The following AGBL4 variants were observed in gnomAD, a reference collection of about 807,000 sequenced individuals.
AGBL4 encodes the protein AGBL carboxypeptidase 4.
In AGBL4, 58 loss-of-function variants were observed where a neutral mutation model predicts 66.4. The observed-to-expected ratio is 0.87, with a 90% CI of 0.71 to 1.09. The LOEUF (loss-of-function observed/expected upper bound fraction) is 1.09. Among genes scored for constraint, AGBL4 ranks in the 50% least tolerant of loss-of-function variants. AGBL4 has a pLI of 0.00. For missense variants in AGBL4, 579 were observed against 631.0 expected, an observed-to-expected ratio of 0.92 and a Z score of 0.88; for synonymous variants, 234 against 222.9, an observed-to-expected ratio of 1.05 and a Z score of -0.44.
At chr1:48,566,344 A>G (rs1435195720) in intron 11 of AGBL4, among the ~76,000 whole-genome samples, 5 of 152,350 alleles carry the variant, frequency 3.3e-5, no homozygotes, top group Non-Finnish European at 7.3e-5. Flanking sequence ...TAAAATTTCA[A>G]TATCAATAGA....
chr1:49,688,390 T>A (rs1176470903), intron 3 of AGBL4, among the ~76,000 whole-genome samples: 1 of 152,196 alleles, frequency 6.6e-6, no homozygotes, highest in Admixed American at 6.5e-5. Context: ...TCCATCCATG[T>A]TGTTGCCAAT....
intron 5 of AGBL4, among the ~76,000 whole-genome samples, chr1:49,023,440 T>C (rs1253515354): frequency 6.6e-6 from 1 of 152,164 alleles, no homozygotes; most frequent in Non-Finnish European, 1.5e-5. Flanking sequence ...AATTTCAATT[T>C]CTAAAATTGG....
intron 4 of AGBL4, among the ~76,000 whole-genome samples, chr1:49,120,688 G>A (rs1645634499): frequency 6.6e-6 from 1 of 152,048 alleles, no homozygotes; most frequent in African/African-American, 2.4e-5. Context: ...GTGTCTTGGG[G>A]TTGCTCTTCT....
intron 3 of AGBL4, among the ~76,000 whole-genome samples, chr1:49,433,549 T>C (rs1048312928): frequency 6.6e-6 from 1 of 152,192 alleles, no homozygotes; most frequent in Non-Finnish European, 1.5e-5. Context: ...CAAGTAGTTA[T>C]CATTTTAAGC....
chr1:49,968,773 G>C (rs1176559747), intron 1 of AGBL4, among the ~76,000 whole-genome samples: 1 of 152,126 alleles, frequency 6.6e-6, no homozygotes, highest in Admixed American at 6.5e-5. Context: ...GAAAGGGATG[G>C]CTAGAGCTCC....
At chr1:49,746,748 C>A (rs564417001) in intron 2 of AGBL4, among the ~76,000 whole-genome samples, 2 of 151,908 alleles carry the variant, frequency 1.3e-5, no homozygotes, top group Non-Finnish European at 2.9e-5. Context: ...CTTACTAGAT[C>A]CTTTGGACTA....
intron 1 of AGBL4, among the ~76,000 whole-genome samples, chr1:49,933,720 T>G (rs1014027870): frequency 6.6e-6 from 1 of 152,044 alleles, no homozygotes; most frequent in Non-Finnish European, 1.5e-5. Context: ...AACAAACTAT[T>G]GTAACTACAG....
At chr1:49,689,639 A>C (rs1399056290) in intron 3 of AGBL4, among the ~76,000 whole-genome samples, 1 of 152,168 alleles carries the variant, frequency 6.6e-6, no homozygotes, top group Non-Finnish European at 1.5e-5. Context: ...GATTACATTC[A>C]ATCTACGGAC....
chr1:48,793,923 G>A (rs923331487), intron 6 of AGBL4, among the ~76,000 whole-genome samples: 6 of 152,138 alleles, frequency 3.9e-5, no homozygotes, highest in African/African-American at 7.2e-5. Context: ...AGCCCCATTG[G>A]AAACTTTTCT....
At chr1:48,765,243 TAG>T (rs1441299786) in intron 6 of AGBL4, among the ~76,000 whole-genome samples, 2 of 152,102 alleles carry the variant, frequency 1.3e-5, no homozygotes, top group Admixed American at 6.6e-5. Flanking sequence ...ATCCATACAA[TAG>T]AGACTCATCA....
chr1:49,812,304 AAC>A (rs1342478713), intron 2 of AGBL4, among the ~76,000 whole-genome samples: 1 of 152,166 alleles, frequency 6.6e-6, no homozygotes, highest in Non-Finnish European at 1.5e-5. Flanking sequence ...TCCAAGGTGG[AAC>A]GAAAGGGAGA....
At chr1:49,263,995 CA>C (rs1418670162) in intron 3 of AGBL4, among the ~76,000 whole-genome samples, 1 of 151,966 alleles carries the variant, frequency 6.6e-6, no homozygotes, top group African/African-American at 2.4e-5. Context: ...GAGAAACTTC[CA>C]AAAACTATGT....
intron 5 of AGBL4, among the ~76,000 whole-genome samples, chr1:48,897,809 T>A (rs796566412): frequency 8.0e-5 from 3 of 37,596 alleles, no homozygotes; most frequent in African/African-American, 1.6e-4. Context: ...TTGCCCACTT[T>A]TTTTTTTTTT....
chr1:49,366,926 A>G (rs1239065466), intron 3 of AGBL4, among the ~76,000 whole-genome samples: 1 of 152,190 alleles, frequency 6.6e-6, no homozygotes, highest in Non-Finnish European at 1.5e-5. Flanking sequence ...GGAGGCTCTG[A>G]GAGAAAACTG....
At chr1:48,759,231 C>T in intron 6 of AGBL4, 1 of 1,597,604 alleles carries the variant, frequency 6.3e-7, no homozygotes, top group Non-Finnish European at 8.5e-7. Context: ...GCCGAGCCAC[C>T]ACTGCCTCGA....
At chr1:49,650,623 T>A (rs538275615) in intron 3 of AGBL4, among the ~76,000 whole-genome samples, 1 of 152,292 alleles carries the variant, frequency 6.6e-6, no homozygotes, top group South Asian at 2.1e-4. Context: ...CCAGATCCCC[T>A]GCAAATATAC....
At chr1:48,867,320 T>C (rs1012059373) in intron 5 of AGBL4, 90 bp from the exon 6 acceptor site, 1 of 1,302,482 alleles carries the variant, frequency 7.7e-7, no homozygotes, top group Non-Finnish European at 1.1e-6. Flanking sequence ...AAAGAGGATG[T>C]TGGGACATAC....
chr1:48,696,932 C>A (rs1392922911), intron 6 of AGBL4, among the ~76,000 whole-genome samples: 10 of 152,180 alleles, frequency 6.6e-5, no homozygotes, highest in African/African-American at 2.4e-4. Context: ...CTTGCTGACA[C>A]CCTTTGCACT....
At chr1:49,157,238 C>T (rs1646449904) in intron 4 of AGBL4, among the ~76,000 whole-genome samples, 1 of 151,744 alleles carries the variant, frequency 6.6e-6, no homozygotes, top group South Asian at 2.1e-4. Context: ...TCCCCTTGTC[C>T]CCCACCCCCC....
Sources: gnomAD v4.1 joint callset for allele counts (sites outside exome capture counted in the v4.1 genomes callset) on GRCh38, gnomAD v4.1.1 for gene constraint, MANE v1.5 for transcripts, NCBI Gene and HGNC (gene_info 2026-07-23, HGNC 2026-07-21) for gene names.